MYH11: variants seen among roughly 807,000 people sequenced by gnomAD.
The protein encoded by MYH11 is myosin heavy chain 11.
In MYH11, 80 loss-of-function variants were observed where a neutral mutation model predicts 246.6. The ratio of observed to expected loss-of-function variants is 0.32; its 90% CI spans 0.27 to 0.39. MYH11 has a LOEUF of 0.39. Among genes scored for constraint, MYH11 ranks in the 10% least tolerant of loss-of-function variants. The pLI is 1.00. For missense variants in MYH11, 2,158 were observed against 2,546.8 expected, an observed-to-expected ratio of 0.85 and a Z score of 3.29; for synonymous variants, 1,071 against 1,015.5, an observed-to-expected ratio of 1.05 and a Z score of -1.04.
At chr16:15,732,786 C>T in intron 26 of MYH11, 78 bp from the exon 27 acceptor site, 1 of 1,569,452 alleles carries the variant, frequency 6.4e-7, no homozygotes, top group South Asian at 1.1e-5. Flanking sequence ...AGAATGAGAG[C>T]TCTTCCAGGA....
At chr16:15,733,854 C>A (rs769115431) in intron 26 of MYH11, among the ~76,000 whole-genome samples, 22 of 152,180 alleles carry the variant, frequency 1.4e-4, no homozygotes, top group African/African-American at 2.9e-4. Flanking sequence ...ATGCACTGGG[C>A]TCTTCTGTAT....
intron 40 of MYH11, among the ~76,000 whole-genome samples, chr16:15,709,800 G>A (rs112927071): frequency 0.015 from 2,226 of 152,268 alleles, 36 homozygotes; most frequent in Non-Finnish European, 0.022. Context: ...CTGTCCCTTG[G>A]TTTATGATTA....
intron 4 of MYH11, among the ~76,000 whole-genome samples, chr16:15,797,151 T>A (rs1271843832): frequency 6.6e-6 from 1 of 152,112 alleles, no homozygotes; most frequent in Non-Finnish European, 1.5e-5. Flanking sequence ...ATTGCCTTTG[T>A]TTTATTGTTT....
intron 3 of MYH11, among the ~76,000 whole-genome samples, chr16:15,816,682 A>C (rs3915500): frequency 0.14 from 20,790 of 152,018 alleles, 1,453 homozygotes; most frequent in East Asian, 0.15. Context: ...GAATGAGCTA[A>C]ATTTCATCTT....
At chr16:15,754,950 A>C (rs1213173462) in intron 14 of MYH11, among the ~76,000 whole-genome samples, 1 of 152,194 alleles carries the variant, frequency 6.6e-6, no homozygotes, top group East Asian at 1.9e-4. Context: ...TGCTGGGGTT[A>C]CAGGCGTGAG....
Position 15,750,052 on chromosome 16 carries a change from G to C in MYH11, c.2058+86C>G, listed in dbSNP as rs767436011. On this transcript the variant is annotated intron_variant, in intron 16 of 40. Coordinates refer to ENST00000300036, the MANE Select transcript of MYH11 (RefSeq NM_002474.3). The surrounding 1 kb of genome is among the most constrained non-coding windows in gnomAD (Gnocchi z 4.3). The stretch of plus-strand genomic sequence containing the variant: ...GAAAATGGGGTCCTCGGGGTAGGTG[G>C]GGGCAGAGGGCGCCCTGGGGACGCT... 1 of 1,533,298 alleles carries C rather than the reference G, an allele frequency of 6.5e-7. No individual in the cohort carries two copies. Among genetic ancestry groups the C allele is most frequent in the Non-Finnish European group, 9.0e-7 (1 of 1,115,618 alleles). The allele number at this position is 1,533,298 out of a possible 1,614,324, so 95.0% of individuals were successfully genotyped here. A position where few individuals can be genotyped will look rare whatever the true frequency, so the allele number is the denominator to read the frequency against.
chr16:15,753,559 A>C, intron 14 of MYH11, 51 bp from the exon 15 acceptor site: 5 of 1,454,754 alleles, frequency 3.4e-6, no homozygotes, highest in Non-Finnish European at 4.8e-6. Flanking sequence ...AGAAACTTAG[A>C]AACCAAGGCC....
intron 4 of MYH11, among the ~76,000 whole-genome samples, chr16:15,787,360 A>C (rs1341898041): frequency 1.3e-5 from 2 of 152,102 alleles, no homozygotes; most frequent in African/African-American, 4.8e-5. Flanking sequence ...GTGAGCCATG[A>C]TCACACCACT....
chr16:15,813,225 T>TC, intron 3 of MYH11, among the ~76,000 whole-genome samples: 1 of 151,982 alleles, frequency 6.6e-6, no homozygotes, highest in East Asian at 1.9e-4. Flanking sequence ...TGGTGGTACA[T>TC]CTCTGTAGTC....
intron 1 of MYH11, among the ~76,000 whole-genome samples, chr16:15,845,701 T>A (rs2151389434): frequency 6.8e-6 from 1 of 147,236 alleles, no homozygotes; most frequent in Non-Finnish European, 1.5e-5. Flanking sequence ...ATCGTGTGTG[T>A]GTGTGTGAGA....
At chr16:15,775,894 A>G (rs1036984199) in intron 8 of MYH11, 184 bp downstream of exon 8, 1 of 653,002 alleles carries the variant, frequency 1.5e-6, no homozygotes. Context: ...AGTAAATGAG[A>G]ATGACTGAAC....
At chr16:15,772,782 G>T (rs1252543731) in intron 8 of MYH11, among the ~76,000 whole-genome samples, 2 of 152,100 alleles carry the variant, frequency 1.3e-5, no homozygotes, top group Non-Finnish European at 2.9e-5. Flanking sequence ...GCTGCCCATC[G>T]CTTGCATCAC....
chr16:15,786,851 C>A, intron 4 of MYH11, 119 bp from the exon 5 acceptor site: 1 of 974,602 alleles, frequency 1.0e-6, no homozygotes. Context: ...GAAACAGAGG[C>A]TCCCAGAGGG....
In MYH11 at chr16:15,717,193, C is replaced by G; in HGVS notation, c.5451G>C (p.Ala1817=). ...AVKSKFKSTI[A]ALEAKIAQLE... ...GCTGTGCAATCTTGGCCTCCAGCGC[C>G]GCGATGGTGGACTTGAACTTGGACT... Residue 1817 remains alanine (A), a synonymous_variant, in exon 38 of 41, where the codon GCG becomes GCC. Transcript: ENST00000300036. 6.2e-7 allele frequency: 1 copy of G among 1,614,180 alleles called. No homozygotes were observed. The highest frequency in any genetic ancestry group is 8.5e-7 in the Non-Finnish European group (1 of 1,180,038).
chr16:15,711,531 G>A (rs1436244211), intron 40 of MYH11, among the ~76,000 whole-genome samples: 2 of 152,150 alleles, frequency 1.3e-5, no homozygotes, highest in Non-Finnish European at 2.9e-5. Context: ...ATGTTTATTT[G>A]CCGTTATATT....
intron 40 of MYH11, among the ~76,000 whole-genome samples, chr16:15,708,565 T>C (rs1372603074): frequency 6.6e-6 from 1 of 152,216 alleles, no homozygotes; most frequent in East Asian, 1.9e-4. Flanking sequence ...TTGGGTGTCA[T>C]GTCACATGTG....
intron 3 of MYH11, among the ~76,000 whole-genome samples, chr16:15,809,469 C>T (rs1314494650): frequency 6.6e-6 from 1 of 151,846 alleles, no homozygotes; most frequent in Non-Finnish European, 1.5e-5. Flanking sequence ...GAGTTGGAGG[C>T]TGGAGTGAGC....
In MYH11 at chr16:15,715,101, G is replaced by C; in HGVS notation, c.5614-20C>G. 6.2e-7 allele frequency: 1 copy of C among 1,612,558 alleles called. No individual in the cohort carries two copies. The highest frequency in any genetic ancestry group is 1.3e-5 in the African/African-American group (1 of 75,034). ...CTCTGCCTGTCGCGGAGAGTTGGAG[G>C]GGTGGTTAGGGGAGGCCGGCTGGGG... On this transcript the variant is annotated intron_variant, in intron 39 of 40. Transcript: ENST00000300036.
At chr16:15,729,700 G>A (rs562343100) in intron 27 of MYH11, among the ~76,000 whole-genome samples, 16 of 152,012 alleles carry the variant, frequency 1.1e-4, no homozygotes, top group Non-Finnish European at 1.5e-4. Context: ...ACAGGCGACC[G>A]CCACCACGTC....
Sources: gnomAD v4.1 joint callset for allele counts (sites outside exome capture counted in the v4.1 genomes callset) on GRCh38, gnomAD v4.1.1 for gene constraint, Gnocchi (gnomAD v3.1) non-coding constraint, MANE v1.5 for transcripts, NCBI Gene and HGNC (gene_info 2026-07-23, HGNC 2026-07-21) for gene names.